Variants in SLC25A30 observed in about 807,000 individuals in gnomAD.
SLC25A30 encodes solute carrier family 25 member 30.
SLC25A30 carries 29 observed loss-of-function variants against 42.7 expected under a neutral mutation model. The observed-to-expected ratio is 0.68, with a 90% confidence interval of 0.51 to 0.93. SLC25A30 has a LOEUF of 0.93. Among genes scored for constraint, SLC25A30 ranks in the 40% least tolerant of loss-of-function variants. The pLI is 0.00. For missense variants in SLC25A30, 300 were observed against 359.7 expected, an observed-to-expected ratio of 0.83 and a Z score of 1.34; for synonymous variants, 124 against 131.0, an observed-to-expected ratio of 0.95 and a Z score of 0.37.
chr13:45,427,273 G>C, the SLC25A30 span, among the ~76,000 whole-genome samples: 1 of 152,114 alleles, frequency 6.6e-6, no homozygotes, highest in Admixed American at 6.6e-5. Context: ...ATAGGATAAA[G>C]TTGTTCTCTG....
the SLC25A30 span, among the ~76,000 whole-genome samples, chr13:45,424,073 A>C: frequency 1.0e-5 from 1 of 99,254 alleles, no homozygotes; most frequent in Non-Finnish European, 1.8e-5. Flanking sequence ...ATATATATTT[A>C]TATAAATATA....
At chr13:45,423,857 T>TATAAATATAC in the SLC25A30 span, among the ~76,000 whole-genome samples, 2 of 72,588 alleles carry the variant, frequency 2.8e-5, 1 homozygote, top group Non-Finnish European at 5.0e-5. Context: ...TAAATATATA[T>TATAAATATAC]ATAAATATAT....
upstream of SLC25A30, among the ~76,000 whole-genome samples, chr13:45,423,032 G>A (rs900618847): frequency 6.6e-6 from 1 of 152,156 alleles, no homozygotes; most frequent in Non-Finnish European, 1.5e-5. Context: ...CAGTTTTCTC[G>A]ACAGTCTTCC....
At chr13:45,424,849 T>A in the SLC25A30 span, among the ~76,000 whole-genome samples, 7 of 43,336 alleles carry the variant, frequency 1.6e-4, 1 homozygote, top group South Asian at 2.2e-3. Context: ...AAAATATATA[T>A]AAATATATAT....
At chr13:45,430,755 C>T in the SLC25A30 span, among the ~76,000 whole-genome samples, 1 of 152,130 alleles carries the variant, frequency 6.6e-6, no homozygotes, top group Admixed American at 6.5e-5. Flanking sequence ...TGCAGTGAGC[C>T]CAGATCATGC....
chr13:45,425,130 G>C, the SLC25A30 span, among the ~76,000 whole-genome samples: 5 of 22,034 alleles, frequency 2.3e-4, no homozygotes, highest in South Asian at 6.1e-3. Context: ...AAATATATAA[G>C]TATATAAATA....
At chr13:45,423,941 AT>A in the SLC25A30 span, among the ~76,000 whole-genome samples, 1 of 85,956 alleles carries the variant, frequency 1.2e-5, no homozygotes, top group Non-Finnish European at 2.1e-5. Context: ...ATATAAATAT[AT>A]AAAAAAATAT....
At chr13:45,420,149 T>G (rs1883851996), upstream of SLC25A30, 1 of 152,206 alleles carries the variant, frequency 6.6e-6, no homozygotes, top group African/African-American at 2.4e-5. Flanking sequence ...TATTTCCATT[T>G]TACAGATGAC....
At chr13:45,433,319 T>C in the SLC25A30 span, among the ~76,000 whole-genome samples, 3 of 152,170 alleles carry the variant, frequency 2.0e-5, no homozygotes, top group South Asian at 6.2e-4. Context: ...TAAAGGGTAC[T>C]AAACAGGTGG....
intron 9 of SLC25A30, 147 bp from the exon 10 acceptor site, chr13:45,396,162 C>A: frequency 6.5e-7 from 1 of 1,536,616 alleles, no homozygotes; most frequent in Non-Finnish European, 8.7e-7. Flanking sequence ...GGGTTCCACC[C>A]TTAACCACAT....
chr13:45,424,447 A>AAATATATAAC, the SLC25A30 span, among the ~76,000 whole-genome samples: 346 of 68,520 alleles, frequency 5.0e-3, 5 homozygotes, highest in Non-Finnish European at 7.5e-3. Context: ...AAATATATAA[A>AAATATATAAC]AATATATAAA....
rs145462442 is a variant in SLC25A30, at chr13:45,414,635, TACACACAC to T, written c.-55-3163_-55-3156del. On this transcript the variant is annotated intron_variant, in intron 1 of 9. Coordinates refer to ENST00000519676, the MANE Select transcript of SLC25A30 (RefSeq NM_001010875.4). The stretch of plus-strand genomic sequence containing the variant: ...TTTGTCTCAAACACACACACACACA[TACACACAC>T]ACACACACACACACACACACACACA... Among the ~76,000 whole-genome samples, 313 of 140,002 alleles carry T rather than the reference TACACACAC, an allele frequency of 2.2e-3. 5 individuals carry two copies. The highest frequency in any genetic ancestry group is 7.3e-3 in the African/African-American group (282 of 38,674). The allele number at this position is 140,002 out of a possible 152,430, so 91.8% of individuals were successfully genotyped here.
At chr13:45,423,234 T>A (rs1326053403), upstream of SLC25A30, among the ~76,000 whole-genome samples, 1 of 151,880 alleles carries the variant, frequency 6.6e-6, no homozygotes, top group Non-Finnish European at 1.5e-5. Flanking sequence ...TCCCTTCCCA[T>A]TGATATTACC....
At chr13:45,410,799 C>T (rs1255594767) in intron 2 of SLC25A30, among the ~76,000 whole-genome samples, 1 of 152,178 alleles carries the variant, frequency 6.6e-6, no homozygotes, top group East Asian at 1.9e-4. Context: ...GCAACAGAAC[C>T]AGACCCTGTC....
the SLC25A30 span, among the ~76,000 whole-genome samples, chr13:45,433,695 T>A: frequency 6.6e-6 from 1 of 152,160 alleles, no homozygotes; most frequent in East Asian, 1.9e-4. Flanking sequence ...CTGAGGCTGG[T>A]GAAAAAAGTC....
In SLC25A30 at chr13:45,395,851, T is replaced by C; in HGVS notation, c.*123A>G. On this transcript the variant is annotated 3_prime_UTR_variant, in exon 10 of 10. Transcript: ENST00000519676. ...GCAATCTCAACTAACCCAGTCTTCA[T>C]CTGTTGCTCACATCCCAGAATCTGT... The C allele has an allele frequency of 6.3e-7, 1 of 1,596,160 alleles. No individual in the cohort carries two copies. The highest frequency in any genetic ancestry group is 8.5e-7 in the Non-Finnish European group (1 of 1,171,430).
At chr13:45,421,940 A>G (rs958558074), upstream of SLC25A30, among the ~76,000 whole-genome samples, 4 of 152,158 alleles carry the variant, frequency 2.6e-5, no homozygotes, top group Admixed American at 1.3e-4. Context: ...GCACTTCTCA[A>G]GTAGCTGGGC....
At chr13:45,423,590 A>AATAT in the SLC25A30 span, among the ~76,000 whole-genome samples, 1 of 49,780 alleles carries the variant, frequency 2.0e-5, no homozygotes, top group South Asian at 4.3e-4. Context: ...AATATATATA[A>AATAT]ATATATATAT....
chr13:45,403,666 G>A (rs1213049367), intron 5 of SLC25A30, among the ~76,000 whole-genome samples: 1 of 152,058 alleles, frequency 6.6e-6, no homozygotes, highest in African/African-American at 2.4e-5. Context: ...GGCCAGGCAC[G>A]GTGGCTCACA....
Sources: gnomAD v4.1 joint callset for allele counts (sites outside exome capture counted in the v4.1 genomes callset) on GRCh38, gnomAD v4.1.1 for gene constraint, MANE v1.5 for transcripts, NCBI Gene and HGNC (gene_info 2026-07-23, HGNC 2026-07-21) for gene names.